The following RUFY1 variants were observed in gnomAD, a reference collection of about 807,000 sequenced individuals.
The protein encoded by RUFY1 is RUN and FYVE domain-containing protein 1.
In RUFY1, 54 loss-of-function variants were observed where a neutral mutation model predicts 94.6. The ratio of observed to expected loss-of-function variants is 0.57; its 90% CI spans 0.46 to 0.72. RUFY1 has a LOEUF of 0.72. Ranked by LOEUF, RUFY1 falls within the 30% of genes least tolerant of loss-of-function variation. RUFY1 has a pLI of 0.00. For missense variants in RUFY1, 883 were observed against 883.9 expected (o/e 1.00, Z 0.01); for synonymous variants, 396 against 347.3 (o/e 1.14, Z -1.56).
intron 1 of RUFY1, among the ~76,000 whole-genome samples, chr5:179,551,223 G>A (rs1346748245): frequency 6.6e-6 from 1 of 152,246 alleles, no homozygotes; most frequent in Non-Finnish European, 1.5e-5. Flanking sequence ...CGTTCAGTGC[G>A]GGAGTGGAGC....
At chr5:179,590,413 T>C (rs1764969058) in intron 9 of RUFY1, among the ~76,000 whole-genome samples, 1 of 151,976 alleles carries the variant, frequency 6.6e-6, no homozygotes, top group Admixed American at 6.6e-5. Context: ...GCTAAAAACA[T>C]GTTCATAAGT....
chr5:179,550,676 T>C lies in RUFY1; in HGVS notation c.107T>C (p.Phe36Ser). ...PGSALEPGEE[F>S]EIVDRSQLPG... The stretch of plus-strand genomic sequence containing the variant: ...TCAGCGCTTGAGCCGGGAGAAGAGT[T>C]TGAGATCGTGGACCGAAGCCAGCTG... The change falls in exon 1 of 18, where the codon TTT (phenylalanine) becomes TCT (serine). Residue 36 changes from phenylalanine (F) to serine (S), a missense_variant. Phe to Ser is a radical substitution (Grantham distance 155, BLOSUM62 -2). Transcript: ENST00000319449. The C allele has an allele frequency of 6.7e-7, 1 of 1,497,368 alleles. No individual in the cohort carries two copies. The highest frequency in any genetic ancestry group is 2.0e-5 in the Admixed American group (1 of 48,932). 92.8% of individuals were successfully genotyped at this position (1,497,368 alleles called of 1,614,324 possible).
chr5:179,602,440 T>A (rs1766537251), intron 15 of RUFY1: 1 of 159,784 alleles, frequency 6.3e-6, no homozygotes, highest in Non-Finnish European at 1.4e-5. Context: ...CCAGAGTCTG[T>A]CTGTCTCTGC....
chr5:179,593,419 G>T, intron 10 of RUFY1, 59 bp from the exon 11 acceptor site: 1 of 1,554,092 alleles, frequency 6.4e-7, no homozygotes, highest in Non-Finnish European at 8.8e-7. Flanking sequence ...TTCAACCCCA[G>T]TTAAATACAT....
intron 8 of RUFY1, chr5:179,586,283 A>T (rs1331800358): frequency 2.2e-6 from 1 of 459,316 alleles, no homozygotes; most frequent in Non-Finnish European, 4.4e-6. Context: ...CCTCAGGAGC[A>T]TGCAACCAGC....
chr5:179,601,967 A>G lies in RUFY1; in HGVS notation c.1837A>G (p.Met613Val). The G allele has an allele frequency of 6.2e-7, 1 of 1,613,780 alleles. No homozygotes were observed. Among genetic ancestry groups the G allele is most frequent in the Non-Finnish European group, 8.5e-7 (1 of 1,179,864 alleles). ...CEEQEQALQE[M>V]GLHLSQSKLK... ...GGAGCAGGAACAAGCCCTCCAGGAA[A>G]TGGGCCTGCACCTCAGCCAGTAAGA... The change falls in exon 15 of 18, where the codon ATG becomes GTG. Residue 613 changes from methionine (M) to valine (V), a missense_variant. Physicochemically the swap from Met to Val is conservative, Grantham distance 21. Coordinates refer to ENST00000319449, the MANE Select transcript of RUFY1 (RefSeq NM_025158.5).
In RUFY1 at chr5:179,550,631, A is replaced by G. The variant is rs1581401413; in HGVS notation, c.62A>G (p.Glu21Gly). Reference sequence around the variant, plus strand: ...GGGCGGGAGCTGGAGCCGGAGCTGGAGCCGGGGCCGGGGCCCGGGTCAGCG... The same window carrying G: ...GGGCGGGAGCTGGAGCCGGAGCTGGGGCCGGGGCCGGGGCCCGGGTCAGCG... ...GRGRELEPEL[E>G]PGPGPGSALE... The change falls in exon 1 of 18, where the codon GAG (glutamate) becomes GGG (glycine). Residue 21 changes from glutamate (E) to glycine (G), a missense_variant. Physicochemically the swap from Glu to Gly is moderately conservative, Grantham distance 98. Coordinates refer to ENST00000319449, the MANE Select transcript of RUFY1 (RefSeq NM_025158.5). 2.2e-6 allele frequency: 3 copies of G among 1,346,662 alleles called. No individual in the cohort carries two copies. Among genetic ancestry groups the G allele is most frequent in the African/African-American group, 2.6e-5 (1 of 39,132 alleles). 83.4% of individuals were successfully genotyped at this position (1,346,662 alleles called of 1,614,324 possible).
intron 15 of RUFY1, 162 bp downstream of exon 15, chr5:179,602,148 G>T: frequency 1.6e-6 from 1 of 629,670 alleles, no homozygotes; most frequent in South Asian, 1.9e-5. Context: ...GGCCTCAGAG[G>T]GGCCCAGCAC....
chr5:179,585,924 CTG>C (rs1764573012), intron 8 of RUFY1, 59 bp downstream of exon 8: 1 of 1,365,250 alleles, frequency 7.3e-7, no homozygotes, highest in Admixed American at 1.7e-5. Context: ...TTAAGAGAAT[CTG>C]TGTAGTCGGT....
intron 14 of RUFY1, among the ~76,000 whole-genome samples, chr5:179,600,358 C>T (rs1208715743): frequency 2.0e-5 from 3 of 152,164 alleles, no homozygotes; most frequent in East Asian, 3.9e-4. Context: ...TGCACTGGCC[C>T]CAGGTGTCAG....
chr5:179,596,592 G>A lies in RUFY1; in HGVS notation c.1542G>A (p.Gly514=), dbSNP rs1039562861. Residue 514 remains glycine, a synonymous_variant, in exon 13 of 18, where the codon GGG becomes GGA. Coordinates refer to ENST00000319449, the MANE Select transcript of RUFY1 (RefSeq NM_025158.5). ...RLQHSERARQ[G]AEERSHKLQQ... is the part of the protein sequence containing the mutation. Reference sequence around the variant, plus strand: ...AGCACTCGGAGCGGGCGAGGCAGGGGGCTGAGGAGCGGAGCCACAAGCTGC... The same window carrying A: ...AGCACTCGGAGCGGGCGAGGCAGGGAGCTGAGGAGCGGAGCCACAAGCTGC... 1 of 1,613,364 alleles carries A rather than the reference G, an allele frequency of 6.2e-7. No homozygotes were observed. Among genetic ancestry groups the A allele is most frequent in the Non-Finnish European group, 8.5e-7 (1 of 1,180,006 alleles).
At chr5:179,607,515 A>G (rs1767227628) in intron 16 of RUFY1, 67 bp from the exon 17 acceptor site, 1 of 1,339,068 alleles carries the variant, frequency 7.5e-7, no homozygotes, top group Non-Finnish European at 1.1e-6. Flanking sequence ...ATGTGGCCAG[A>G]ACGCAGCTAC....
chr5:179,609,650 C>A lies in RUFY1; in HGVS notation c.*131C>A. The A allele has an allele frequency of 1.1e-6, 1 of 905,842 alleles. No homozygotes were observed. Among genetic ancestry groups the A allele is most frequent in the Non-Finnish European group, 1.6e-6 (1 of 630,856 alleles). 56.1% of individuals were successfully genotyped at this position (905,842 alleles called of 1,614,324 possible). ...AATTTCTTGCCCGGTCACTGGCACT[C>A]CAGAAGACAGCGTGCCGGAACCGGC... On this transcript the variant is annotated 3_prime_UTR_variant, in exon 18 of 18. Transcript: ENST00000319449.
chr5:179,598,790 T>C lies in RUFY1; in HGVS notation c.1730T>C (p.Met577Thr), dbSNP rs1189812906. ...HEKDTSSLLR[M>T]ELQQVEGLKK... ...AAAGACACTTCCTCTCTACTCAGGA[T>C]GGAGCTGCAACAAGTGGAAGGACTG... is the stretch of plus-strand genomic sequence containing the variant. Residue 577 changes from methionine (M) to threonine (T), a missense_variant, in exon 14 of 18, where the codon ATG becomes ACG. Transcript: ENST00000319449. 6.2e-7 allele frequency: 1 copy of C among 1,614,114 alleles called. No homozygotes were observed. Among genetic ancestry groups the C allele is most frequent in the South Asian group, 1.1e-5 (1 of 91,088 alleles).
chr5:179,600,263 C>T (rs77151196), intron 14 of RUFY1, among the ~76,000 whole-genome samples: 3 of 152,318 alleles, frequency 2.0e-5, no homozygotes, highest in South Asian at 2.1e-4. Context: ...CACTCGGGCC[C>T]GAGCTCCACC....
intron 16 of RUFY1, chr5:179,607,342 C>A (rs1767203485): frequency 7.3e-6 from 4 of 547,390 alleles, no homozygotes; most frequent in Non-Finnish European, 1.3e-5. Context: ...CCTGGAGGCC[C>A]CAGGGCAGCC....
Position 179,585,884 on chromosome 5 carries a change from A to G in RUFY1, c.1026+19A>G. 1 of 1,588,780 alleles carries G rather than the reference A, an allele frequency of 6.3e-7. No individual in the cohort carries two copies. Among genetic ancestry groups the G allele is most frequent in the East Asian group, 2.2e-5 (1 of 44,764 alleles). On this transcript the variant is annotated intron_variant, in intron 8 of 17. Transcript: ENST00000319449. The stretch of plus-strand genomic sequence containing the variant: ...AGAAGAGGTTTGTAAGTTTTATTGA[A>G]ATTTTTAGACAAAACAGAATGACCC...
chr5:179,591,384 CCA>C (rs1765084740), intron 9 of RUFY1, among the ~76,000 whole-genome samples: 1 of 151,890 alleles, frequency 6.6e-6, no homozygotes, highest in Non-Finnish European at 1.5e-5. Flanking sequence ...CGGGGTTTCA[CCA>C]TGTTAGCCAG....
chr5:179,565,978 CA>C (rs994353850), intron 3 of RUFY1, among the ~76,000 whole-genome samples: 80 of 141,946 alleles, frequency 5.6e-4, no homozygotes, highest in Admixed American at 5.0e-4. Flanking sequence ...CCCATCTCTA[CA>C]AAAAAAAAAA....
Sources: gnomAD v4.1 joint callset for allele counts (sites outside exome capture counted in the v4.1 genomes callset) on GRCh38, gnomAD v4.1.1 for gene constraint, MANE v1.5 for transcripts, NCBI Gene and HGNC (gene_info 2026-07-23, HGNC 2026-07-21) for gene names.